The following PTPRD variants were observed in gnomAD, a reference collection of about 807,000 sequenced individuals.
PTPRD encodes the protein receptor-type tyrosine-protein phosphatase delta.
A neutral mutation model predicts 214.5 loss-of-function variants in PTPRD; 34 were observed. The ratio of observed to expected loss-of-function variants is 0.16; its 90% CI spans 0.12 to 0.21. The LOEUF (loss-of-function observed/expected upper bound fraction) is 0.21, where lower values mean the gene tolerates loss of function less well. Among genes scored for constraint, PTPRD ranks in the 10% least tolerant of loss-of-function variants. The pLI, the probability that PTPRD is intolerant of heterozygous loss-of-function variation, is 1.00. For synonymous variants in PTPRD, 1,128 were observed against 845.7 expected, an observed-to-expected ratio of 1.33 and a Z score of -5.79; for missense variants, 2,545 against 2,398.7, an observed-to-expected ratio of 1.06 and a Z score of -1.27.
chr9:8,518,183 G>C lies in PTPRD; in HGVS notation c.1208C>G (p.Pro403Arg). The change falls in exon 21 of 46, where the codon CCT (proline) becomes CGT (arginine). Residue 403 changes from proline (P) to arginine (R), a missense_variant. Pro to Arg is a moderately radical substitution (Grantham distance 103, BLOSUM62 -2). Transcript: ENST00000381196. Reference sequence around the variant, plus strand: ...TTGTGTTAGCACAGGTTCGCTGGGAGGCCCCCGCCCAATGTTATTGACAGC... The same window carrying C: ...TTGTGTTAGCACAGGTTCGCTGGGACGCCCCCGCCCAATGTTATTGACAGC... ...VVAVNNIGRG[P>R]PSEPVLTQTS... The C allele has an allele frequency of 1.9e-6, 3 of 1,614,132 alleles. No individual in the cohort carries two copies. Among genetic ancestry groups the C allele is most frequent in the Admixed American group, 1.7e-5 (1 of 60,014 alleles).
intron 2 of PTPRD, among the ~76,000 whole-genome samples, chr9:10,588,653 G>A (rs572443431): frequency 1.3e-4 from 20 of 151,874 alleles, no homozygotes; most frequent in African/African-American, 4.8e-4. Context: ...AATTTCTACT[G>A]AATATTAAAT....
intron 11 of PTPRD, among the ~76,000 whole-genome samples, chr9:8,881,836 G>C (rs974484804): frequency 7.9e-5 from 12 of 152,222 alleles, no homozygotes; most frequent in African/African-American, 2.9e-4. Context: ...AATGGAGAGA[G>C]ATCCTCAGTT....
At chr9:9,077,333 C>A (rs968890808) in intron 10 of PTPRD, among the ~76,000 whole-genome samples, 3 of 151,736 alleles carry the variant, frequency 2.0e-5, no homozygotes, top group African/African-American at 7.3e-5. Context: ...GTGTATATTT[C>A]TCCATAGTTC....
intron 3 of PTPRD, among the ~76,000 whole-genome samples, chr9:10,308,233 C>A (rs187873256): frequency 9.9e-5 from 15 of 151,972 alleles, no homozygotes; most frequent in African/African-American, 3.6e-4. Context: ...TTTGAGTTGA[C>A]TTTTGTATAT....
At chr9:8,519,847 A>C (rs2097855337) in intron 20 of PTPRD, among the ~76,000 whole-genome samples, 1 of 152,180 alleles carries the variant, frequency 6.6e-6, no homozygotes, top group Non-Finnish European at 1.5e-5. Context: ...GAAGGTGAAC[A>C]AAATATTAGT....
At chr9:9,362,605 T>C (rs1360989959) in intron 9 of PTPRD, among the ~76,000 whole-genome samples, 2 of 151,188 alleles carry the variant, frequency 1.3e-5, no homozygotes, top group South Asian at 2.1e-4. Context: ...AAAAAGGGCA[T>C]ACTCTCTGTT....
At chr9:9,216,964 A>G (rs2099952678) in intron 9 of PTPRD, among the ~76,000 whole-genome samples, 1 of 152,054 alleles carries the variant, frequency 6.6e-6, no homozygotes. Context: ...TGGGCTTCAG[A>G]GGGCATTAGT....
chr9:8,425,225 T>C (rs572904021), intron 35 of PTPRD, among the ~76,000 whole-genome samples: 91 of 152,300 alleles, frequency 6.0e-4, no homozygotes, highest in African/African-American at 1.9e-3. Flanking sequence ...TCTTGCAGCA[T>C]TGTTAAAATT....
intron 8 of PTPRD, among the ~76,000 whole-genome samples, chr9:9,426,121 C>T (rs111341984): frequency 0.063 from 9,590 of 152,180 alleles, 340 homozygotes; most frequent in Middle Eastern, 0.17. Context: ...TCGCCTCACC[C>T]GGGAAGCACA....
chr9:10,037,984 T>C (rs967217126), intron 3 of PTPRD, among the ~76,000 whole-genome samples: 1 of 152,186 alleles, frequency 6.6e-6, no homozygotes, highest in Non-Finnish European at 1.5e-5. Flanking sequence ...ACACCTTGTA[T>C]ATGAGAGTCT....
At chr9:10,420,283 G>GA (rs2154515518) in intron 2 of PTPRD, among the ~76,000 whole-genome samples, 1 of 151,848 alleles carries the variant, frequency 6.6e-6, no homozygotes, top group African/African-American at 2.4e-5. Context: ...CTTAATTTTT[G>GA]GATGAACAAC....
rs1264081255 is a variant in PTPRD, at chr9:9,088,056, A to G, written c.-142-69321T>C. Among the ~76,000 whole-genome samples, 3 of 150,860 alleles carry G rather than the reference A, an allele frequency of 2.0e-5. No individual in the cohort carries two copies. In the South Asian group the frequency reaches 6.3e-4, roughly 32 times the overall value. ...ACCACCATGCCTGGCTGATTTTTGT[A>G]TTTTTAGTAGACACGGGGTTTCACC... On this transcript the variant is annotated intron_variant, in intron 10 of 45. Transcript: ENST00000381196.
At chr9:9,031,171 T>A (rs186203229) in intron 10 of PTPRD, among the ~76,000 whole-genome samples, 54 of 151,464 alleles carry the variant, frequency 3.6e-4, no homozygotes, top group African/African-American at 1.2e-3. Flanking sequence ...GGGTCTTTGA[T>A]GCAGAGCCAG....
chr9:9,842,670 G>GT (rs71485305), intron 5 of PTPRD, among the ~76,000 whole-genome samples: 6,278 of 137,828 alleles, frequency 0.046, 163 homozygotes, highest in Middle Eastern at 0.08. Context: ...TAAAAAAGTT[G>GT]TTTTTTTTTT....
intron 10 of PTPRD, among the ~76,000 whole-genome samples, chr9:9,144,420 T>G (rs1421268527): frequency 6.6e-6 from 1 of 152,160 alleles, no homozygotes; most frequent in Non-Finnish European, 1.5e-5. Context: ...AAACATTAAG[T>G]GGTACCTAAA....
intron 12 of PTPRD, among the ~76,000 whole-genome samples, chr9:8,685,239 T>G (rs1341909356): frequency 2.0e-5 from 3 of 148,442 alleles, no homozygotes; most frequent in African/African-American, 2.5e-5. Context: ...TACAAAGAAG[T>G]GCATAAATGT....
At chr9:10,218,617 T>G (rs968985092) in intron 3 of PTPRD, among the ~76,000 whole-genome samples, 1 of 151,780 alleles carries the variant, frequency 6.6e-6, no homozygotes, top group African/African-American at 2.4e-5. Context: ...AATTAGAAAT[T>G]AGAATAAGAA....
chr9:8,644,538 C>G (rs936629414), intron 12 of PTPRD, among the ~76,000 whole-genome samples: 1 of 152,194 alleles, frequency 6.6e-6, no homozygotes, highest in African/African-American at 2.4e-5. Flanking sequence ...GAGAGAAGGG[C>G]TGTGGCCCTT....
chr9:9,635,801 G>A (rs116906510), intron 7 of PTPRD, among the ~76,000 whole-genome samples: 2,033 of 152,146 alleles, frequency 0.013, 14 homozygotes, highest in Non-Finnish European at 0.02. Context: ...ATCTTGTCAA[G>A]TTTTCCTTCT....
Sources: gnomAD v4.1 joint callset for allele counts (sites outside exome capture counted in the v4.1 genomes callset) on GRCh38, gnomAD v4.1.1 for gene constraint, MANE v1.5 for transcripts, NCBI Gene and HGNC (gene_info 2026-07-23, HGNC 2026-07-21) for gene names.